The following CTNNAL1 variants were observed in gnomAD, a reference collection of about 807,000 sequenced individuals.
The protein encoded by CTNNAL1 is alpha-catulin.
Under a neutral mutation model 93.6 loss-of-function variants are expected in CTNNAL1, and 69 were observed. The observed-to-expected ratio is 0.74, with a 90% CI of 0.61 to 0.90. The LOEUF (loss-of-function observed/expected upper bound fraction) is 0.90, where lower values mean the gene tolerates loss of function less well. CTNNAL1 is among the 40% of genes least tolerant of loss of function. CTNNAL1 has a pLI of 0.00. For missense variants in CTNNAL1, 836 were observed against 862.0 expected (o/e 0.97, Z 0.38); for synonymous variants, 286 against 305.4 (o/e 0.94, Z 0.66).
intron 1 of CTNNAL1, among the ~76,000 whole-genome samples, chr9:109,000,944 C>A (rs1391497381): frequency 6.7e-6 from 1 of 149,472 alleles, no homozygotes; most frequent in Non-Finnish European, 1.5e-5. Flanking sequence ...AGGCGGATCA[C>A]AAGGTCAGGA....
chr9:108,943,974 AG>A lies in CTNNAL1; in HGVS notation c.1928del (p.Ala643ValfsTer6). ...AGACATGTGTTACCTGTTTTGAAAAAGCTTGAACACTGGAAGTAAGCTTTAA... is the reference window on the plus strand; with the variant it reads ...AGACATGTGTTACCTGTTTTGAAAAACTTGAACACTGGAAGTAAGCTTTAA... ...EGLKLTSSVQ[A>X]FSKQLKDDDK... On this transcript the variant is annotated frameshift_variant, in exon 16 of 19. Transcript: ENST00000325551. LOFTEE classifies it high-confidence loss of function. 6.2e-7 allele frequency: 1 copy of A among 1,613,642 alleles called. No homozygotes were observed. The highest frequency in any genetic ancestry group is 1.1e-5 in the South Asian group (1 of 90,884).
intron 2 of CTNNAL1, among the ~76,000 whole-genome samples, chr9:108,998,268 TGTACA>T (rs1832095260): frequency 1.3e-5 from 2 of 152,208 alleles, no homozygotes; most frequent in South Asian, 2.1e-4. Context: ...CATCCTACAA[TGTACA>T]GGTCAACCTC....
At chr9:108,973,333 G>C (rs1271954772) in intron 8 of CTNNAL1, among the ~76,000 whole-genome samples, 2 of 152,126 alleles carry the variant, frequency 1.3e-5, no homozygotes, top group African/African-American at 4.8e-5. Flanking sequence ...TCATTAATAA[G>C]TTCTTTAGCA....
intron 15 of CTNNAL1, 71 bp downstream of exon 15, chr9:108,948,115 T>C (rs368965020): frequency 6.6e-7 from 1 of 1,508,216 alleles, no homozygotes; most frequent in Non-Finnish European, 9.2e-7. Context: ...TAATAAATCA[T>C]CTGGAAAACA....
chr9:108,943,795 T>TA lies in CTNNAL1; in HGVS notation c.1962dup (p.Met655TyrfsTer21). 1.1e-5 allele frequency: 18 copies of TA among 1,613,648 alleles called. No individual in the cohort carries two copies. Among genetic ancestry groups the TA allele is most frequent in the Non-Finnish European group, 1.5e-5 (18 of 1,179,836 alleles). ...AGCTTGTTTATTTCCAGGAGAAGCA[T>TA]AAGCTTGTCATCGTCTTTCAGCTGA... On this transcript the variant is annotated frameshift_variant, in exon 17 of 19. Transcript: ENST00000325551. LOFTEE classifies it high-confidence loss of function.
chr9:108,985,268 A>G (rs1214050737), intron 4 of CTNNAL1, among the ~76,000 whole-genome samples: 1 of 152,220 alleles, frequency 6.6e-6, no homozygotes, highest in East Asian at 1.9e-4. Context: ...CTGTCATTGT[A>G]GTGTGAAAGC....
chr9:108,972,740 C>T lies in CTNNAL1; in HGVS notation c.1282G>A (p.Gly428Arg). Residue 428 changes from glycine to arginine, a missense_variant, in exon 9 of 19, where the codon GGA becomes AGA. Transcript: ENST00000325551. ...LKALKLTGVE[G>R]NLEALAEYAC... The stretch of plus-strand genomic sequence containing the variant: ...TATTCAGCCAAAGCTTCTAAATTTC[C>T]TTCTACTCCAGTAAGTTTTAATGCT... The T allele has an allele frequency of 6.2e-7, 1 of 1,613,076 alleles. No individual in the cohort carries two copies. The highest frequency in any genetic ancestry group is 1.1e-5 in the South Asian group (1 of 91,050).
At chr9:108,948,149 A>C in intron 15 of CTNNAL1, 37 bp downstream of exon 15, 10 of 1,605,006 alleles carry the variant, frequency 6.2e-6, no homozygotes, top group Non-Finnish European at 8.5e-6. Context: ...TTTAGCCCGA[A>C]ATTAAAGTAC....
At chr9:108,972,623 TTTAATAAAGCCATTA>T in intron 9 of CTNNAL1, 37 bp downstream of exon 9, 1 of 1,472,806 alleles carries the variant, frequency 6.8e-7, no homozygotes, top group Non-Finnish European at 9.3e-7. Context: ...TCCCACATAG[TTTAATAAAGCCATTA>T]TTAAACTACA....
intron 12 of CTNNAL1, among the ~76,000 whole-genome samples, chr9:108,954,740 G>A (rs930840149): frequency 2.0e-5 from 3 of 152,214 alleles, no homozygotes; most frequent in East Asian, 1.9e-4. Context: ...AGTATTAAAT[G>A]CCAGTCCCTT....
chr9:108,978,591 A>C (rs955307401), intron 7 of CTNNAL1, among the ~76,000 whole-genome samples: 1 of 152,190 alleles, frequency 6.6e-6, no homozygotes, highest in African/African-American at 2.4e-5. Context: ...TCCACTTTGC[A>C]ATCCACCTGC....
chr9:108,998,435 T>G (rs1832103063), intron 2 of CTNNAL1, among the ~76,000 whole-genome samples: 1 of 151,988 alleles, frequency 6.6e-6, no homozygotes, highest in South Asian at 2.1e-4. Flanking sequence ...ACATTACATA[T>G]ATATTCATTT....
chr9:108,992,674 T>G lies in CTNNAL1; in HGVS notation c.477A>C (p.Ala159=), dbSNP rs1831856707. The part of the protein sequence containing the change: ...LSSVTKVLLL[A]DRVVIKQIIT... ...TTATCTGTTTAATGACTACTCGGTC[T>G]GCCAGCAACAACACTTTTGTCACTG... The change falls in exon 3 of 19, where the codon GCA becomes GCC. Residue 159 remains alanine, a synonymous_variant. Coordinates refer to ENST00000325551, the MANE Select transcript of CTNNAL1 (RefSeq NM_003798.4). 1.9e-6 allele frequency: 3 copies of G among 1,613,876 alleles called. No homozygotes were observed. The highest frequency in any genetic ancestry group is 1.6e-4 in the Middle Eastern group (1 of 6,062).
At position 108,965,465 on chromosome 9, in the gene CTNNAL1, C is replaced by G; in HGVS notation, c.1504G>C (p.Asp502His). ...PSSKIAKENLDVFCEAWESQI... is the reference protein window; with the variant it reads ...PSSKIAKENLHVFCEAWESQI... Reference sequence around the variant, plus strand: ...GATTCCCAAGCTTCACAAAATACATCTAGGTTTTCTTTAGCAATTTTACTA... The same window carrying G: ...GATTCCCAAGCTTCACAAAATACATGTAGGTTTTCTTTAGCAATTTTACTA... The change falls in exon 11 of 19, where the codon GAT becomes CAT. Residue 502 changes from aspartate to histidine, a missense_variant. Transcript: ENST00000325551. 1 of 1,595,498 alleles carries G rather than the reference C, an allele frequency of 6.3e-7. No homozygotes were observed. The highest frequency in any genetic ancestry group is 8.5e-7 in the Non-Finnish European group (1 of 1,172,006).
intron 8 of CTNNAL1, 31 bp from the exon 9 acceptor site, chr9:108,972,864 G>GGGGGCGCCCCCCCCCC: frequency 2.8e-5 from 4 of 142,538 alleles, no homozygotes; most frequent in Non-Finnish European, 4.0e-5. Flanking sequence ...GGGGGGGTGG[G>GGGGGCGCCCCCCCCCC]AGGGTGGAGA....
intron 6 of CTNNAL1, among the ~76,000 whole-genome samples, chr9:108,982,139 C>T (rs117617870): frequency 0.011 from 1,638 of 152,274 alleles, 14 homozygotes; most frequent in Middle Eastern, 0.034. Flanking sequence ...AGCATCTTCA[C>T]CATGTCTATG....
intron 11 of CTNNAL1, among the ~76,000 whole-genome samples, chr9:108,962,010 A>T (rs1349100752): frequency 6.6e-6 from 1 of 152,168 alleles, no homozygotes; most frequent in African/African-American, 2.4e-5. Context: ...AAACTTTAGG[A>T]TTGGAGTGGA....
At chr9:108,954,477 A>T (rs1347415324) in intron 12 of CTNNAL1, among the ~76,000 whole-genome samples, 5 of 152,228 alleles carry the variant, frequency 3.3e-5, no homozygotes, top group Admixed American at 3.3e-4. Context: ...ATTTTGTAGT[A>T]GCCCTAAATT....
chr9:108,994,207 G>A (rs1404485454), intron 2 of CTNNAL1, among the ~76,000 whole-genome samples: 6 of 151,996 alleles, frequency 3.9e-5, no homozygotes, highest in African/African-American at 9.7e-5. Context: ...CTTCAGCCTG[G>A]GTGACAGAGT....
Sources: allele counts gnomAD v4.1 joint callset (sites outside exome capture counted in the v4.1 genomes callset), GRCh38; gene constraint gnomAD v4.1.1; transcripts MANE v1.5; gene names NCBI Gene and HGNC (gene_info 2026-07-23, HGNC 2026-07-21).